Variants in FAM13A observed in about 807,000 individuals in gnomAD.
The protein encoded by FAM13A is protein FAM13A.
In FAM13A, 76 loss-of-function variants were observed where a neutral mutation model predicts 129.6. That is an observed-to-expected ratio of 0.59 (90% CI 0.49 to 0.71). The LOEUF (loss-of-function observed/expected upper bound fraction) is 0.71, where lower values mean the gene tolerates loss of function less well. Ranked by LOEUF, FAM13A falls within the 30% of genes least tolerant of loss-of-function variation. The pLI is 0.00. For missense variants in FAM13A, 1,108 were observed against 1,249.3 expected, an observed-to-expected ratio of 0.89 and a Z score of 1.70; for synonymous variants, 443 against 449.9, an observed-to-expected ratio of 0.98 and a Z score of 0.20.
At chr4:88,956,897 A>G (rs1264968908) in intron 4 of FAM13A, among the ~76,000 whole-genome samples, 1 of 152,234 alleles carries the variant, frequency 6.6e-6, no homozygotes, top group Non-Finnish European at 1.5e-5. Flanking sequence ...AGGTTGAATT[A>G]TAACCCCAAA....
chr4:88,848,405 C>A (rs550125476), intron 7 of FAM13A, among the ~76,000 whole-genome samples: 4 of 152,178 alleles, frequency 2.6e-5, no homozygotes, highest in African/African-American at 9.7e-5. Flanking sequence ...GCCCATTAAG[C>A]GTCTAAACGT....
intron 14 of FAM13A, among the ~76,000 whole-genome samples, chr4:88,754,814 CCT>C (rs1743305396): frequency 6.6e-6 from 1 of 152,120 alleles, no homozygotes; most frequent in South Asian, 2.1e-4. Flanking sequence ...CTGCTTTGTC[CCT>C]GTTTGCAAAG....
chr4:89,003,935 C>A (rs1764631968), intron 3 of FAM13A, among the ~76,000 whole-genome samples: 1 of 152,118 alleles, frequency 6.6e-6, no homozygotes, highest in Non-Finnish European at 1.5e-5. Context: ...AAAAGTTATT[C>A]ATTCTGAGAA....
intron 6 of FAM13A, among the ~76,000 whole-genome samples, chr4:88,893,362 C>A (rs1025080717): frequency 6.6e-6 from 1 of 152,192 alleles, no homozygotes; most frequent in East Asian, 1.9e-4. Flanking sequence ...CAGTGGCTCA[C>A]GCCTTTAATC....
chr4:88,955,660 T>C (rs1239154492), intron 4 of FAM13A, among the ~76,000 whole-genome samples: 1 of 152,298 alleles, frequency 6.6e-6, no homozygotes, highest in Non-Finnish European at 1.5e-5. Flanking sequence ...CTGATAGTGA[T>C]ATGGATAATA....
chr4:89,038,922 T>A (rs1479940510), intron 1 of FAM13A, among the ~76,000 whole-genome samples: 1 of 152,206 alleles, frequency 6.6e-6, no homozygotes, highest in East Asian at 1.9e-4. Context: ...AAAGAAAAAA[T>A]TCACTATTGC....
intron 7 of FAM13A, among the ~76,000 whole-genome samples, chr4:88,818,333 T>C (rs1731191735): frequency 6.6e-6 from 1 of 151,960 alleles, no homozygotes; most frequent in Non-Finnish European, 1.5e-5. Context: ...AAAATCTCCC[T>C]CATAAAATAA....
chr4:88,836,921 C>T (rs2149908596), intron 7 of FAM13A, among the ~76,000 whole-genome samples: 1 of 151,944 alleles, frequency 6.6e-6, no homozygotes, highest in African/African-American at 2.4e-5. Flanking sequence ...GATTGTGCCA[C>T]TGCACTCCAG....
chr4:88,909,878 T>C (rs965860238), intron 5 of FAM13A, among the ~76,000 whole-genome samples: 10 of 152,212 alleles, frequency 6.6e-5, no homozygotes. Flanking sequence ...ATAGATTGTA[T>C]ACTTTATAAG....
intron 3 of FAM13A, among the ~76,000 whole-genome samples, chr4:88,995,130 G>C (rs1188941630): frequency 6.7e-6 from 1 of 149,340 alleles, no homozygotes; most frequent in African/African-American, 2.5e-5. Context: ...TTGCACACAT[G>C]CACCCAAAAT....
At chr4:88,783,395 G>A (rs1723337862) in intron 10 of FAM13A, among the ~76,000 whole-genome samples, 1 of 152,004 alleles carries the variant, frequency 6.6e-6, no homozygotes, top group Non-Finnish European at 1.5e-5. Flanking sequence ...GACCTCCCAG[G>A]TTCAAGCAAT....
intron 23 of FAM13A, among the ~76,000 whole-genome samples, chr4:88,730,961 C>G (rs1578396900): frequency 6.6e-6 from 1 of 152,166 alleles, no homozygotes; most frequent in African/African-American, 2.4e-5. Context: ...ACTACGGCCG[C>G]TTGGCTAACC....
rs140219127 is a variant in FAM13A at position 89,006,154 on chromosome 4, T to C, written c.427+14306A>G. ...TAGCCAGCTATCCCAGCATCATTTA[T>C]TGAATAAGGAGTCTCTTCCCCATTG... On this transcript the variant is annotated intron_variant, in intron 3 of 23. Coordinates refer to ENST00000264344, the MANE Select transcript of FAM13A (RefSeq NM_014883.4). Among the ~76,000 whole-genome samples, 1,511 of 152,334 alleles carry C rather than the reference T, an allele frequency of 9.9e-3. 33 individuals carry two copies. Among genetic ancestry groups the C allele is most frequent in the African/African-American group, 0.034 (1,418 of 41,560 alleles).
At chr4:88,844,652 T>C (rs898497125) in intron 7 of FAM13A, among the ~76,000 whole-genome samples, 11 of 151,394 alleles carry the variant, frequency 7.3e-5, no homozygotes, top group Middle Eastern at 6.8e-3. Context: ...AAGCATAGAG[T>C]TGGGGGAAAG....
intron 4 of FAM13A, among the ~76,000 whole-genome samples, chr4:88,987,838 C>CAAAAAGAAAAAAAAA (rs1762436308): frequency 1.4e-5 from 1 of 71,188 alleles, no homozygotes; most frequent in African/African-American, 5.9e-5. Flanking sequence ...AGACTCCTCT[C>CAAAAAGAAAAAAAAA]AAAAAAAAAA....
intron 1 of FAM13A, among the ~76,000 whole-genome samples, chr4:89,053,679 G>A (rs1771879086): frequency 6.6e-6 from 1 of 152,022 alleles, no homozygotes; most frequent in African/African-American, 2.4e-5. Context: ...AATCAGGTGG[G>A]GTGGACTGTT....
chr4:88,762,754 G>C (rs1745043715), intron 13 of FAM13A, among the ~76,000 whole-genome samples: 1 of 151,874 alleles, frequency 6.6e-6, no homozygotes, highest in South Asian at 2.1e-4. Context: ...TCTTCATATA[G>C]TAGTGCAAAT....
intron 4 of FAM13A, among the ~76,000 whole-genome samples, chr4:88,988,827 CAAAATT>C (rs1762581975): frequency 6.6e-6 from 1 of 151,922 alleles, no homozygotes; most frequent in African/African-American, 2.4e-5. Context: ...AGTGAGAAGA[CAAAATT>C]AACATTAGAA....
At chr4:88,918,670 A>G (rs1233820156) in intron 5 of FAM13A, among the ~76,000 whole-genome samples, 1 of 152,256 alleles carries the variant, frequency 6.6e-6, no homozygotes, top group Non-Finnish European at 1.5e-5. Flanking sequence ...CATCACCTAT[A>G]TATTGGAGTG....
Sources: gnomAD v4.1 joint callset for allele counts (sites outside exome capture counted in the v4.1 genomes callset) on GRCh38, gnomAD v4.1.1 for gene constraint, MANE v1.5 for transcripts, NCBI Gene and HGNC (gene_info 2026-07-23, HGNC 2026-07-21) for gene names.